Variants in CTDSPL2 observed in about 807,000 individuals in gnomAD.
CTDSPL2 encodes the protein CTD small phosphatase like 2.
A neutral mutation model predicts 60.0 loss-of-function variants in CTDSPL2; 5 were observed. That is an observed-to-expected ratio of 0.08 (90% CI 0.04 to 0.18). The LOEUF (loss-of-function observed/expected upper bound fraction) is 0.18. CTDSPL2 is among the 10% of genes least tolerant of loss of function. The pLI, the probability that CTDSPL2 is intolerant of heterozygous loss-of-function variation, is 1.00. For synonymous variants in CTDSPL2, 186 were observed against 189.3 expected (o/e 0.98, Z 0.14); for missense variants, 370 against 548.8 (o/e 0.67, Z 3.26).
intron 8 of CTDSPL2, among the ~76,000 whole-genome samples, chr15:44,512,274 G>C (rs1307370716): frequency 6.6e-6 from 1 of 152,098 alleles, no homozygotes; most frequent in African/African-American, 2.4e-5. Flanking sequence ...GGATCATTTT[G>C]CATTTTCAGA....
At chr15:44,449,920 G>T (rs1302796448) in intron 1 of CTDSPL2, among the ~76,000 whole-genome samples, 1 of 152,016 alleles carries the variant, frequency 6.6e-6, no homozygotes, top group Non-Finnish European at 1.5e-5. Context: ...GAACCCAGGA[G>T]GTGGAGGTTG....
intron 2 of CTDSPL2, 85 bp downstream of exon 2, chr15:44,459,285 T>G (rs2080512950): frequency 3.3e-6 from 3 of 917,378 alleles, no homozygotes; most frequent in South Asian, 2.0e-5. Context: ...CCCAGCACTT[T>G]GAGAGCCCCA....
chr15:44,521,974 A>T (rs1475175145), intron 12 of CTDSPL2, among the ~76,000 whole-genome samples: 1 of 139,878 alleles, frequency 7.1e-6, no homozygotes, highest in Non-Finnish European at 1.5e-5. Flanking sequence ...CATGATGATG[A>T]TGATGATGAT....
chr15:44,470,350 T>G (rs2080780787), intron 2 of CTDSPL2: 1 of 152,158 alleles, frequency 6.6e-6, no homozygotes, highest in Non-Finnish European at 1.5e-5. Context: ...TGAAGTTTAT[T>G]TTAATATTGA....
intron 2 of CTDSPL2, among the ~76,000 whole-genome samples, chr15:44,475,667 GC>G (rs1433835033): frequency 2.0e-5 from 3 of 150,974 alleles, no homozygotes; most frequent in Admixed American, 6.6e-5. Context: ...TTCTTCAGAC[GC>G]TTTTTCATTT....
intron 7 of CTDSPL2, 25 bp downstream of exon 7, chr15:44,497,163 G>A: frequency 1.5e-6 from 2 of 1,331,086 alleles, no homozygotes; most frequent in Non-Finnish European, 2.1e-6. Flanking sequence ...TGTAGAGGTA[G>A]AGAGAATAAA....
chr15:44,468,602 A>G (rs190857601), intron 2 of CTDSPL2, among the ~76,000 whole-genome samples: 134 of 152,298 alleles, frequency 8.8e-4, no homozygotes, highest in Middle Eastern at 6.8e-3. Flanking sequence ...TTTTCTATAA[A>G]TATTTCAGGT....
chr15:44,473,827 T>G (rs1595734421), intron 2 of CTDSPL2, among the ~76,000 whole-genome samples: 1 of 152,338 alleles, frequency 6.6e-6, no homozygotes, highest in Non-Finnish European at 1.5e-5. Context: ...TTGCTCACAT[T>G]CTTACCAGTA....
chr15:44,497,666 G>A lies in CTDSPL2; in HGVS notation c.882+528G>A, dbSNP rs182166608. Among the ~76,000 whole-genome samples the A allele has an allele frequency of 2.3e-3, 345 of 152,166 alleles. 1 individual carries two copies. The highest frequency in any genetic ancestry group is 7.9e-3 in the African/African-American group (329 of 41,536). ...ATTACAGGCATGAGCCACTGAGCCC[G>A]GCCCCAGTATGATATCTTGATGTGA... On this transcript the variant is annotated intron_variant, in intron 7 of 12. Coordinates refer to ENST00000260327, the MANE Select transcript of CTDSPL2 (RefSeq NM_016396.3).
chr15:44,517,744 G>A (rs982371448), intron 10 of CTDSPL2, among the ~76,000 whole-genome samples: 1 of 152,206 alleles, frequency 6.6e-6, no homozygotes, highest in East Asian at 1.9e-4. Flanking sequence ...CACTATCGGT[G>A]AAGAGGCATC....
At chr15:44,504,635 G>A (rs887427381) in intron 8 of CTDSPL2, among the ~76,000 whole-genome samples, 36 of 152,118 alleles carry the variant, frequency 2.4e-4, no homozygotes, top group Admixed American at 1.2e-3. Flanking sequence ...CTGGGAGGCT[G>A]AGGTGAGAGG....
At chr15:44,521,521 A>T in intron 12 of CTDSPL2, 115 bp downstream of exon 12, 1 of 546,630 alleles carries the variant, frequency 1.8e-6, no homozygotes, top group Non-Finnish European at 3.1e-6. Flanking sequence ...ACTGTGAGCC[A>T]GGTCACAGGT....
chr15:44,435,256 CAAAAAA>C (rs35787192), intron 1 of CTDSPL2, among the ~76,000 whole-genome samples: 1 of 46,066 alleles, frequency 2.2e-5, no homozygotes, highest in African/African-American at 7.4e-5. Context: ...GACTCCGTCT[CAAAAAA>C]AAAAAAAAAA....
intron 3 of CTDSPL2, 32 bp from the exon 4 acceptor site, chr15:44,486,519 A>G (rs1054457827): frequency 1.4e-6 from 2 of 1,457,580 alleles, no homozygotes; most frequent in Non-Finnish European, 1.8e-6. Context: ...AGTGTTTTCT[A>G]GATCATGACT....
intron 2 of CTDSPL2, among the ~76,000 whole-genome samples, chr15:44,471,745 C>A (rs1402579767): frequency 6.6e-6 from 1 of 152,142 alleles, no homozygotes. Flanking sequence ...TCATCACCCT[C>A]AAAAGAAACC....
At chr15:44,512,457 G>A (rs1595776129) in intron 8 of CTDSPL2, among the ~76,000 whole-genome samples, 1 of 152,240 alleles carries the variant, frequency 6.6e-6, no homozygotes, top group East Asian at 1.9e-4. Flanking sequence ...ACCTTGAGAT[G>A]GAATTCAGAA....
chr15:44,456,873 T>G (rs1481749812), intron 1 of CTDSPL2, among the ~76,000 whole-genome samples: 9 of 148,324 alleles, frequency 6.1e-5, no homozygotes, highest in East Asian at 1.9e-4. Context: ...TTTCTTTTTT[T>G]TTTTGTTTTT....
intron 4 of CTDSPL2, among the ~76,000 whole-genome samples, chr15:44,487,315 C>T (rs2433349): frequency 0.056 from 8,438 of 151,974 alleles, 398 homozygotes; most frequent in Non-Finnish European, 0.079. Flanking sequence ...ATTATTTGGG[C>T]GTGGTAGTGC....
chr15:44,478,452 CAAAAAAAAAAAAAAAAAAA>C (rs61080056), intron 2 of CTDSPL2, among the ~76,000 whole-genome samples: 2 of 37,994 alleles, frequency 5.3e-5, no homozygotes, highest in Admixed American at 5.1e-4. Flanking sequence ...GACTCTGTCT[CAAAAAAAAAAAAAAAAAAA>C]AAAAAAAAAA....
Sources: gnomAD v4.1 joint callset for allele counts (sites outside exome capture counted in the v4.1 genomes callset) on GRCh38, gnomAD v4.1.1 for gene constraint, MANE v1.5 for transcripts, NCBI Gene and HGNC (gene_info 2026-07-23, HGNC 2026-07-21) for gene names.